The following YAP1 variants were observed in gnomAD, a reference collection of about 807,000 sequenced individuals.
YAP1 encodes Yes1 associated transcriptional regulator.
In YAP1, 5 loss-of-function variants were observed where a neutral mutation model predicts 56.9. That is an observed-to-expected ratio of 0.09 (90% confidence interval 0.05 to 0.18). The LOEUF is 0.18. Ranked by LOEUF, YAP1 falls within the 10% of genes least tolerant of loss-of-function variation. YAP1 has a pLI of 1.00. For missense variants in YAP1, 539 were observed against 651.8 expected, an observed-to-expected ratio of 0.83 and a Z score of 1.88; for synonymous variants, 265 against 248.1, an observed-to-expected ratio of 1.07 and a Z score of -0.64.
rs527422596 is a variant in YAP1, at chr11:102,219,496, T to TGA, written c.1033-4122_1033-4121dup. Among the ~76,000 whole-genome samples the TGA allele has an allele frequency of 5.9e-5, 9 of 152,214 alleles. No homozygotes were observed. The South Asian group carries it at 1.9e-3, about 32-fold the overall frequency. ...ATAATACGGAAGAAAGGCATGGTAT[T>TGA]GAGAGGATGTGTCCTCCCACAGACA... On this transcript the variant is annotated intron_variant, in intron 6 of 8. Transcript: ENST00000282441.
intron 2 of YAP1, among the ~76,000 whole-genome samples, chr11:102,124,689 C>T (rs1056795965): frequency 6.6e-6 from 1 of 152,058 alleles, no homozygotes; most frequent in African/African-American, 2.4e-5. Context: ...TGGGAGATCC[C>T]TTCAACTTTA....
intron 6 of YAP1, among the ~76,000 whole-genome samples, chr11:102,211,894 G>A (rs572609591): frequency 5.3e-5 from 8 of 152,062 alleles, no homozygotes; most frequent in African/African-American, 1.2e-4. Context: ...TAGTAGAGAC[G>A]GGGTTTCACC....
intron 3 of YAP1, among the ~76,000 whole-genome samples, chr11:102,172,780 T>G (rs1310030300): frequency 6.6e-6 from 1 of 152,132 alleles, no homozygotes; most frequent in Non-Finnish European, 1.5e-5. Context: ...TAGCTTAGAT[T>G]ACCTTCTCCA....
intron 3 of YAP1, among the ~76,000 whole-genome samples, chr11:102,175,314 T>C (rs951917376): frequency 5.3e-5 from 8 of 151,984 alleles, no homozygotes; most frequent in African/African-American, 1.9e-4. Context: ...GTGGGAGAAT[T>C]GCTTGAACCT....
intron 3 of YAP1, among the ~76,000 whole-genome samples, chr11:102,185,063 A>G (rs1947873473): frequency 1.3e-5 from 2 of 152,224 alleles, no homozygotes; most frequent in Non-Finnish European, 2.9e-5. Context: ...ATGTTAGTCC[A>G]CAGAAGAAAA....
chr11:102,219,016 A>G (rs1038698984), intron 6 of YAP1, among the ~76,000 whole-genome samples: 1 of 152,190 alleles, frequency 6.6e-6, no homozygotes, highest in Non-Finnish European at 1.5e-5. Flanking sequence ...AATAATATGA[A>G]AATTATAGCC....
intron 4 of YAP1, among the ~76,000 whole-genome samples, chr11:102,192,005 C>A (rs1314661169): frequency 2.0e-5 from 3 of 152,156 alleles, no homozygotes; most frequent in Non-Finnish European, 4.4e-5. Context: ...AATTTAAGAT[C>A]TCTGATTGGA....
chr11:102,162,712 T>C (rs1946363209), intron 3 of YAP1, 141 bp downstream of exon 3: 2 of 783,558 alleles, frequency 2.6e-6, no homozygotes, highest in Non-Finnish European at 4.1e-6. Flanking sequence ...ACAGAAGACA[T>C]AGTCTATTTT....
intron 4 of YAP1, among the ~76,000 whole-genome samples, chr11:102,203,765 G>A (rs1249980684): frequency 1.3e-5 from 2 of 152,092 alleles, no homozygotes; most frequent in Non-Finnish European, 2.9e-5. Context: ...GAAATTACAC[G>A]TTTTTTGGAA....
rs569125741 is a variant in YAP1 at position 102,141,546 on chromosome 11, G to T, written c.573-20910G>T. 2.0e-5 allele frequency among the ~76,000 whole-genome samples: 3 copies of T among 152,298 alleles called. No individual in the cohort carries two copies. The South Asian group carries it at 6.2e-4, about 32-fold the overall frequency. ...CTTAGGAACTCAGGAAAAAAAGAGA[G>T]ACTTACTTCTGTGTTGGAATTCTTG... On this transcript the variant is annotated intron_variant, in intron 2 of 8. Coordinates refer to ENST00000282441, the MANE Select transcript of YAP1 (RefSeq NM_001130145.3).
chr11:102,143,458 A>G (rs959435604), intron 2 of YAP1, among the ~76,000 whole-genome samples: 1 of 152,216 alleles, frequency 6.6e-6, no homozygotes, highest in African/African-American at 2.4e-5. Context: ...AAATACATCC[A>G]TCAAGCCATG....
At chr11:102,111,497 G>A (rs1942904593) in intron 1 of YAP1, among the ~76,000 whole-genome samples, 1 of 126,484 alleles carries the variant, frequency 7.9e-6, no homozygotes, top group Non-Finnish European at 1.7e-5. Context: ...GAGGAGGGGT[G>A]GGGAGGAAGG....
In YAP1 at chr11:102,139,199, G is replaced by C. The variant is rs577324021; in HGVS notation, c.573-23257G>C. Among the ~76,000 whole-genome samples, 5 of 150,586 alleles carry C rather than the reference G, an allele frequency of 3.3e-5. No homozygotes were observed. The South Asian group carries it at 6.4e-4, about 19-fold the overall frequency. ...ACTCCCAAAATGAGTAACATGATTAGCAGGATATTCCTAGTTGTTCTCTTG... is the reference window on the plus strand; with the variant it reads ...ACTCCCAAAATGAGTAACATGATTACCAGGATATTCCTAGTTGTTCTCTTG... On this transcript the variant is annotated intron_variant, in intron 2 of 8. Transcript: ENST00000282441.
chr11:102,142,153 A>G, intron 2 of YAP1, among the ~76,000 whole-genome samples: 1 of 152,244 alleles, frequency 6.6e-6, no homozygotes, highest in Middle Eastern at 3.4e-3. Flanking sequence ...GATTTTTCTT[A>G]CTGTTACTTA....
chr11:102,169,416 A>G (rs1424249876), intron 3 of YAP1, among the ~76,000 whole-genome samples: 1 of 152,180 alleles, frequency 6.6e-6, no homozygotes, highest in Non-Finnish European at 1.5e-5. Flanking sequence ...TCTTCCAAGT[A>G]GTTGGTTCCT....
intron 4 of YAP1, among the ~76,000 whole-genome samples, chr11:102,200,375 TG>T (rs1268314233): frequency 6.6e-6 from 1 of 152,072 alleles, no homozygotes; most frequent in Non-Finnish European, 1.5e-5. Flanking sequence ...TGAATTTCTC[TG>T]TAGTTTGAAA....
intron 3 of YAP1, among the ~76,000 whole-genome samples, chr11:102,177,676 A>C (rs1947342371): frequency 8.5e-6 from 1 of 117,094 alleles, no homozygotes; most frequent in African/African-American, 4.2e-5. Context: ...ACTCGGTCTC[A>C]AAAAAAAAAA....
intron 2 of YAP1, among the ~76,000 whole-genome samples, chr11:102,132,400 G>T (rs968170799): frequency 5.9e-5 from 9 of 152,152 alleles, no homozygotes; most frequent in African/African-American, 2.2e-4. Context: ...AGTTTACTTT[G>T]CATTCTGACT....
intron 2 of YAP1, among the ~76,000 whole-genome samples, chr11:102,132,194 G>C (rs1944405782): frequency 6.6e-6 from 1 of 152,188 alleles, no homozygotes; most frequent in African/African-American, 2.4e-5. Context: ...TGAGGTAGTA[G>C]CATGGGTCAG....
Sources: allele counts gnomAD v4.1 joint callset (sites outside exome capture counted in the v4.1 genomes callset), GRCh38; gene constraint gnomAD v4.1.1; transcripts MANE v1.5; gene names NCBI Gene and HGNC (gene_info 2026-07-23, HGNC 2026-07-21).